The following CTSS variants were observed in gnomAD, a reference collection of about 807,000 sequenced individuals.
CTSS encodes cathepsin S.
Under a neutral mutation model 39.9 loss-of-function variants are expected in CTSS, and 15 were observed. The observed-to-expected ratio is 0.38, with a 90% CI of 0.25 to 0.58. The LOEUF is 0.58. CTSS is among the 20% of genes least tolerant of loss of function. The pLI, the probability that CTSS is intolerant of heterozygous loss-of-function variation, is 0.70. For synonymous variants in CTSS, 126 were observed against 138.2 expected, an observed-to-expected ratio of 0.91 and a Z score of 0.62; for missense variants, 250 against 398.2, an observed-to-expected ratio of 0.63 and a Z score of 3.17.
At position 150,732,857 on chromosome 1, in the gene CTSS, G is replaced by A. The variant is rs1652553158; in HGVS notation, c.*189C>T. 1.2e-5 allele frequency: 5 copies of A among 412,258 alleles called. No homozygotes were observed. The highest frequency in any genetic ancestry group is 1.0e-4 in the African/African-American group (5 of 48,412). 25.5% of individuals were successfully genotyped at this position (412,258 alleles called of 1,614,324 possible). On this transcript the variant is annotated 3_prime_UTR_variant, in exon 8 of 8. Coordinates refer to ENST00000368985, the MANE Select transcript of CTSS (RefSeq NM_004079.5). Reference sequence around the variant, plus strand: ...CTCCTGGCCTCAAGTTGATATGCCTGCCTTGGCCTCCCAAGTACTGGGATT... The same window carrying A: ...CTCCTGGCCTCAAGTTGATATGCCTACCTTGGCCTCCCAAGTACTGGGATT...
chr1:150,751,439 G>C (rs1272845973), intron 5 of CTSS, among the ~76,000 whole-genome samples: 4 of 151,820 alleles, frequency 2.6e-5, no homozygotes, highest in African/African-American at 9.7e-5. Flanking sequence ...GTAGAGACAG[G>C]GTTTCACCAC....
rs140408537 is a variant in CTSS, at chr1:150,747,785, C to A, written c.888G>T (p.Val296=). Residue 296 remains valine (V), a synonymous_variant, in exon 7 of 8, where the codon GTG becomes GTT. Transcript: ENST00000368985. The stretch of plus-strand genomic sequence containing the variant: ...AAGTGTAAATATATTACCTGTTTTT[C>A]ACAAGCCAGTATTCTTTCCCATTAA... ...GDLNGKEYWL[V]KNSWGHNFGE... The A allele has an allele frequency of 8.8e-3, 14,138 of 1,606,942 alleles. 96 individuals are homozygous for A. The highest frequency in any genetic ancestry group is 0.011 in the Non-Finnish European group (12,739 of 1,174,496).
intron 7 of CTSS, among the ~76,000 whole-genome samples, chr1:150,736,723 A>G (rs1652642338): frequency 6.6e-6 from 1 of 151,888 alleles, no homozygotes; most frequent in African/African-American, 2.4e-5. Flanking sequence ...AAGATCCCAG[A>G]CCTCTTTTTG....
chr1:150,737,451 C>T (rs915725270), intron 7 of CTSS, among the ~76,000 whole-genome samples: 1 of 152,140 alleles, frequency 6.6e-6, no homozygotes, highest in African/African-American at 2.4e-5. Context: ...AGGGTGATCA[C>T]CAGTCCCAGT....
At chr1:150,738,677 C>CA (rs961167555) in intron 7 of CTSS, among the ~76,000 whole-genome samples, 2 of 151,796 alleles carry the variant, frequency 1.3e-5, no homozygotes, top group Non-Finnish European at 2.9e-5. Flanking sequence ...TCTGTAGAGA[C>CA]AGAGTCTTGC....
chr1:150,750,271 A>G, intron 5 of CTSS, 100 bp from the exon 6 acceptor site: 5 of 945,272 alleles, frequency 5.3e-6, no homozygotes, highest in Non-Finnish European at 6.2e-6. Context: ...TCCTTTCTTT[A>G]ACTTTTTCAT....
intron 3 of CTSS, 141 bp downstream of exon 3, chr1:150,757,717 G>T: frequency 1.5e-6 from 1 of 669,826 alleles, no homozygotes; most frequent in East Asian, 3.0e-5. Flanking sequence ...ACGTTCTTAC[G>T]TCCTTCAATT....
At chr1:150,763,410 T>C (rs1653304223) in intron 2 of CTSS, among the ~76,000 whole-genome samples, 1 of 152,128 alleles carries the variant, frequency 6.6e-6, no homozygotes, top group Non-Finnish European at 1.5e-5. Flanking sequence ...ATAATGTATT[T>C]TATATGTCAA....
intron 4 of CTSS, among the ~76,000 whole-genome samples, chr1:150,753,447 T>C (rs1319538092): frequency 3.3e-5 from 5 of 152,252 alleles, no homozygotes; most frequent in African/African-American, 4.8e-5. Flanking sequence ...TCTAGTTCTT[T>C]CTTCTCCTTC....
intron 2 of CTSS, among the ~76,000 whole-genome samples, chr1:150,762,501 T>G (rs934900399): frequency 5.9e-5 from 9 of 152,244 alleles, no homozygotes; most frequent in Non-Finnish European, 8.8e-5. Context: ...ACTCATAGAT[T>G]GGGAGAAAAT....
At chr1:150,759,952 A>G (rs1198436367) in intron 2 of CTSS, among the ~76,000 whole-genome samples, 1 of 152,088 alleles carries the variant, frequency 6.6e-6, no homozygotes, top group African/African-American at 2.4e-5. Context: ...ATGGGCATGC[A>G]TGATGGGCTT....
rs1652554165 is a variant in CTSS, at chr1:150,732,894, C to A, written c.*152G>T. On this transcript the variant is annotated 3_prime_UTR_variant, in exon 8 of 8. Coordinates refer to ENST00000368985, the MANE Select transcript of CTSS (RefSeq NM_004079.5). ...CAAGTACTGGGATTACAGGCGTGAG[C>A]CACCGTGCCCGGCCTCAAACTATAT... The A allele has an allele frequency of 5.4e-6, 3 of 550,510 alleles. No individual in the cohort carries two copies. Among genetic ancestry groups the A allele is most frequent in the Non-Finnish European group, 9.3e-6 (3 of 322,740 alleles). The allele number at this position is 550,510 out of a possible 1,614,324, so 34.1% of individuals were successfully genotyped here.
At chr1:150,756,812 G>A (rs750551619) in intron 3 of CTSS, among the ~76,000 whole-genome samples, 56 of 151,464 alleles carry the variant, frequency 3.7e-4, no homozygotes, top group Non-Finnish European at 7.5e-4. Context: ...TGCCTCCCGG[G>A]TTCAAGCAAT....
At chr1:150,738,368 C>A (rs1041623523) in intron 7 of CTSS, among the ~76,000 whole-genome samples, 1 of 152,202 alleles carries the variant, frequency 6.6e-6, no homozygotes, top group Non-Finnish European at 1.5e-5. Flanking sequence ...GCAAGTCTAT[C>A]GGCACAATGT....
chr1:150,755,234 T>C, intron 3 of CTSS, 84 bp from the exon 4 acceptor site: 1 of 1,444,062 alleles, frequency 6.9e-7, no homozygotes. Context: ...TTTGTCATTG[T>C]GAAAACACCA....
In CTSS at chr1:150,730,801, A is replaced by G. The variant is rs1190209011; in HGVS notation, c.*2245T>C. The G allele has an allele frequency of 6.6e-6, 1 of 152,080 alleles. No individual in the cohort carries two copies. Among genetic ancestry groups the G allele is most frequent in the Non-Finnish European group, 1.5e-5 (1 of 68,016 alleles). 9.4% of individuals were successfully genotyped at this position (152,080 alleles called of 1,614,324 possible). A position where few individuals can be genotyped will look rare whatever the true frequency, so the allele number is the denominator to read the frequency against. On this transcript the variant is annotated 3_prime_UTR_variant, in exon 8 of 8. Transcript: ENST00000368985. ...CATATCACATTAGTTTTTTGCATCT[A>G]TTTTCATTATGCTTATCACTATTTC...
At chr1:150,747,362 C>T (rs1652912217) in intron 7 of CTSS, among the ~76,000 whole-genome samples, 1 of 152,004 alleles carries the variant, frequency 6.6e-6, no homozygotes, top group African/African-American at 2.4e-5. Flanking sequence ...AGAACTAGAG[C>T]TAGAGATTCA....
intron 7 of CTSS, 32 bp from the exon 8 acceptor site, chr1:150,733,177 AT>A (rs1334368548): frequency 1.3e-6 from 2 of 1,483,592 alleles, no homozygotes; most frequent in Admixed American, 1.7e-5. Flanking sequence ...AAAATTACAA[AT>A]GCGTACAATC....
At chr1:150,758,719 G>T (rs1557814450) in intron 2 of CTSS, among the ~76,000 whole-genome samples, 1 of 151,668 alleles carries the variant, frequency 6.6e-6, no homozygotes, top group Non-Finnish European at 1.5e-5. Context: ...CTGTTTGTTT[G>T]TTTGTTTGTT....
Sources: gnomAD v4.1 joint callset for allele counts (sites outside exome capture counted in the v4.1 genomes callset) on GRCh38, gnomAD v4.1.1 for gene constraint, MANE v1.5 for transcripts, NCBI Gene and HGNC (gene_info 2026-07-23, HGNC 2026-07-21) for gene names.